Variants in NRDC observed in about 807,000 individuals in gnomAD.
NRDC encodes nardilysin.
In NRDC, 54 loss-of-function variants were observed where a neutral mutation model predicts 147.1. The observed-to-expected ratio is 0.37, with a 90% CI of 0.29 to 0.46. The LOEUF is 0.46. Ranked by LOEUF, NRDC falls within the 20% of genes least tolerant of loss-of-function variation. NRDC has a pLI of 1.00. For synonymous variants in NRDC, 440 were observed against 482.1 expected (o/e 0.91, Z 1.14); for missense variants, 1,082 against 1,370.6 (o/e 0.79, Z 3.33).
chr1:51,792,372 CT>C lies in NRDC; in HGVS notation c.2823+4del. ...AAAACCTCAGCATCTCCTTTATGCA[CT>C]TACCACAAGCAGCTCCATAAGCGTA... On this transcript the variant is annotated splice_donor_region_variant and intron_variant, in intron 25 of 30. Coordinates refer to ENST00000352171, the MANE Select transcript of NRDC (RefSeq NM_001101662.2). 1 of 1,614,072 alleles carries C rather than the reference CT, an allele frequency of 6.2e-7. No individual in the cohort carries two copies. The highest frequency in any genetic ancestry group is 8.5e-7 in the Non-Finnish European group (1 of 1,179,942).
At chr1:51,812,174 T>C in intron 14 of NRDC, 76 bp from the exon 15 acceptor site, 3 of 1,025,208 alleles carry the variant, frequency 2.9e-6, no homozygotes, top group Non-Finnish European at 4.5e-6. Context: ...ACAAATACTT[T>C]CTCCCTTTCT....
At chr1:51,818,331 A>C (rs745827869) in intron 9 of NRDC, among the ~76,000 whole-genome samples, 196 bp from the exon 10 acceptor site, 15 of 152,160 alleles carry the variant, frequency 9.9e-5, no homozygotes, top group African/African-American at 1.7e-4. Flanking sequence ...ATTTGGTTTC[A>C]GAGGTAGAGA....
intron 2 of NRDC, chr1:51,837,558 A>T (rs1681049759): frequency 6.3e-7 from 1 of 1,594,532 alleles, no homozygotes; most frequent in African/African-American, 1.3e-5. Context: ...TTTTTGAATA[A>T]GTTGACTTAA....
At chr1:51,809,212 T>A (rs1400983168) in intron 17 of NRDC, 103 bp downstream of exon 17, 3 of 802,174 alleles carry the variant, frequency 3.7e-6, no homozygotes, top group African/African-American at 3.4e-5. Flanking sequence ...TTACTGGGAA[T>A]CTCAAATATA....
At chr1:51,804,928 C>T (rs1211231341) in intron 19 of NRDC, among the ~76,000 whole-genome samples, 1 of 152,190 alleles carries the variant, frequency 6.6e-6, no homozygotes, top group African/African-American at 2.4e-5. Context: ...AGACACATTT[C>T]CGAAGTATCA....
intron 1 of NRDC, among the ~76,000 whole-genome samples, chr1:51,873,488 TTTA>T (rs777242927): frequency 1.1e-3 from 149 of 130,606 alleles, no homozygotes; most frequent in Non-Finnish European, 1.5e-3. Context: ...TTTTTATTTA[TTTA>T]TTTATTTATT....
At position 51,794,872 on chromosome 1, in the gene NRDC, A is replaced by G; in HGVS notation, c.2605-18T>C. On this transcript the variant is annotated intron_variant, in intron 22 of 30. Coordinates refer to ENST00000352171, the MANE Select transcript of NRDC (RefSeq NM_001101662.2). Reference sequence around the variant, plus strand: ...ATAGATTCCTAAGAGGCAAAAGAGAATAACTACATTAAGCTCTCTAGACAT... The same window carrying G: ...ATAGATTCCTAAGAGGCAAAAGAGAGTAACTACATTAAGCTCTCTAGACAT... 6.2e-7 allele frequency: 1 copy of G among 1,613,602 alleles called. No individual in the cohort carries two copies.
chr1:51,795,500 G>C (rs1678856953), intron 22 of NRDC: 1 of 199,996 alleles, frequency 5.0e-6, no homozygotes, highest in Non-Finnish European at 1.1e-5. Context: ...CTGGTTCTGG[G>C]GTTGCAGAAT....
chr1:51,791,946 G>T, intron 26 of NRDC, 100 bp downstream of exon 26: 1 of 1,214,450 alleles, frequency 8.2e-7, no homozygotes, highest in Non-Finnish European at 1.2e-6. Context: ...GAGATGGAAG[G>T]AAGCTCTAAC....
In NRDC at chr1:51,823,688, T is replaced by C. The variant is rs1354182333; in HGVS notation, c.1135A>G (p.Met379Val). The change falls in exon 7 of 31, where the codon ATG becomes GTG. Residue 379 changes from methionine to valine, a missense_variant. Transcript: ENST00000352171. ...FWMRYYSSHY[M>V]TLVVQSKETL... ...CCTTTGGATTGAACCACTAAAGTCA[T>C]GTAATGAGAAGAGTAGTAACGCATC... 7 of 1,610,006 alleles carry C rather than the reference T, an allele frequency of 4.3e-6. No individual in the cohort carries two copies. Among genetic ancestry groups the C allele is most frequent in the Admixed American group, 3.3e-5 (2 of 59,874 alleles).
intron 24 of NRDC, chr1:51,793,911 T>G (rs545834179): frequency 6.5e-6 from 1 of 152,774 alleles, no homozygotes; most frequent in Admixed American, 6.5e-5. Flanking sequence ...ACGTGCTTCC[T>G]TCCTTTAAGC....
intron 28 of NRDC, 119 bp downstream of exon 28, chr1:51,790,780 AC>A: frequency 1.0e-6 from 1 of 963,784 alleles, no homozygotes; most frequent in Non-Finnish European, 1.6e-6. Flanking sequence ...CTAGGGAGAC[AC>A]TATTGTAAGA....
chr1:51,867,677 T>C (rs1475757950), intron 1 of NRDC, among the ~76,000 whole-genome samples: 2 of 152,180 alleles, frequency 1.3e-5, no homozygotes, highest in African/African-American at 2.4e-5. Context: ...ATGATGCTGA[T>C]AGGTTGAGTA....
At chr1:51,840,827 A>G (rs1177963107) in intron 1 of NRDC, among the ~76,000 whole-genome samples, 1 of 152,152 alleles carries the variant, frequency 6.6e-6, no homozygotes, top group African/African-American at 2.4e-5. Flanking sequence ...AAGATATGCA[A>G]CTCACCACTC....
intron 3 of NRDC, among the ~76,000 whole-genome samples, chr1:51,835,091 T>C (rs1426605140): frequency 1.3e-5 from 2 of 152,214 alleles, no homozygotes; most frequent in Non-Finnish European, 2.9e-5. Flanking sequence ...AGCTGGAGTC[T>C]CGCTCCGTCA....
chr1:51,812,565 A>G (rs1471275443), intron 14 of NRDC, among the ~76,000 whole-genome samples: 6 of 151,718 alleles, frequency 4.0e-5, no homozygotes, highest in Non-Finnish European at 7.4e-5. Flanking sequence ...AGCCATAGCT[A>G]CTCCCTTAGG....
chr1:51,834,302 C>CTT, intron 3 of NRDC, 132 bp from the exon 4 acceptor site: 13 of 875,620 alleles, frequency 1.5e-5, no homozygotes, highest in Non-Finnish European at 1.9e-5. Flanking sequence ...TGTCTGAATT[C>CTT]TTTTTTTTTT....
At chr1:51,863,206 A>C (rs778283937) in intron 1 of NRDC, among the ~76,000 whole-genome samples, 11 of 152,028 alleles carry the variant, frequency 7.2e-5, no homozygotes, top group Non-Finnish European at 1.6e-4. Flanking sequence ...GTTCAAGACC[A>C]GCCTAGACAA....
intron 1 of NRDC, among the ~76,000 whole-genome samples, chr1:51,869,198 CCTTGA>C (rs557617458): frequency 2.6e-5 from 4 of 152,150 alleles, no homozygotes; most frequent in South Asian, 2.1e-4. Flanking sequence ...GATCCTCCTG[CCTTGA>C]CTTAAGATGC....
Sources: allele counts gnomAD v4.1 joint callset (sites outside exome capture counted in the v4.1 genomes callset), GRCh38; gene constraint gnomAD v4.1.1; transcripts MANE v1.5; gene names NCBI Gene and HGNC (gene_info 2026-07-23, HGNC 2026-07-21).